Variants in TRPM3 observed in about 807,000 individuals in gnomAD.
TRPM3 encodes the protein transient receptor potential cation channel subfamily M member 3, also known as long transient receptor potential channel 3.
In TRPM3, 77 loss-of-function variants were observed where a neutral mutation model predicts 181.2. That is an observed-to-expected ratio of 0.42 (90% CI 0.35 to 0.51). The LOEUF (loss-of-function observed/expected upper bound fraction) is 0.51. Among genes scored for constraint, TRPM3 ranks in the 20% least tolerant of loss-of-function variants. The probability of loss-of-function intolerance (pLI) is 0.01; values close to 1 mark genes in which losing one functional copy is unlikely to be tolerated. For missense variants in TRPM3, 1,759 were observed against 2,196.7 expected, an observed-to-expected ratio of 0.80 and a Z score of 3.98; for synonymous variants, 745 against 796.4, an observed-to-expected ratio of 0.94 and a Z score of 1.09.
chr9:70,604,026 T>C (rs888976530), intron 19 of TRPM3, among the ~76,000 whole-genome samples: 4 of 152,238 alleles, frequency 2.6e-5, no homozygotes, highest in African/African-American at 9.6e-5. Context: ...ATTTCACCAC[T>C]TTCCTGTCCT....
chr9:70,863,062 A>G lies in TRPM3; in HGVS notation c.308T>C (p.Ile103Thr). The change falls in exon 3 of 26, where the codon ATC becomes ACC. Residue 103 changes from isoleucine (I) to threonine (T), a missense_variant. Physicochemically the swap from Ile to Thr is moderately conservative, Grantham distance 89 (BLOSUM62 -1). Transcript: ENST00000677713. Reference sequence around the variant, plus strand: ...ATTTTTCTCATTCTGAAGCACGGAGATACTGGGGGTGAGGCCAACATGCTG... The same window carrying G: ...ATTTTTCTCATTCTGAAGCACGGAGGTACTGGGGGTGAGGCCAACATGCTG... ...IGQHVGLTPS[I>T]SVLQNEKNES... The G allele has an allele frequency of 6.2e-7, 1 of 1,613,562 alleles. No homozygotes were observed. Among genetic ancestry groups the G allele is most frequent in the Non-Finnish European group, 8.5e-7 (1 of 1,179,696 alleles).
intron 1 of TRPM3, among the ~76,000 whole-genome samples, chr9:70,911,218 G>T (rs2096534235): frequency 6.6e-6 from 1 of 152,152 alleles, no homozygotes; most frequent in Non-Finnish European, 1.5e-5. Context: ...GTATGGTCCT[G>T]TGGGTCACAC....
At chr9:70,654,833 C>T (rs116109516) in intron 9 of TRPM3, among the ~76,000 whole-genome samples, 1 of 151,724 alleles carries the variant, frequency 6.6e-6, no homozygotes, top group African/African-American at 2.4e-5. Flanking sequence ...TAGGCACCTG[C>T]ACCACGCCTG....
intron 1 of TRPM3, among the ~76,000 whole-genome samples, chr9:71,166,881 A>C (rs2076566956): frequency 1.3e-5 from 2 of 152,224 alleles, no homozygotes; most frequent in Admixed American, 1.3e-4. Flanking sequence ...TTGAAATTTC[A>C]TACAAATAAC....
At chr9:71,334,876 C>T (rs150011319) in intron 1 of TRPM3, among the ~76,000 whole-genome samples, 107 of 152,216 alleles carry the variant, frequency 7.0e-4, no homozygotes, top group African/African-American at 2.5e-3. Context: ...TTCTTCTCTT[C>T]ATCTTTTTCT....
At chr9:71,019,215 C>G (rs2097819327) in intron 1 of TRPM3, among the ~76,000 whole-genome samples, 1 of 151,804 alleles carries the variant, frequency 6.6e-6, no homozygotes, top group Non-Finnish European at 1.5e-5. Flanking sequence ...GATAGAGATG[C>G]TTGTTATCAC....
chr9:70,609,401 C>A (rs1328580794), intron 19 of TRPM3, among the ~76,000 whole-genome samples: 2 of 152,096 alleles, frequency 1.3e-5, no homozygotes, highest in South Asian at 4.2e-4. Context: ...GAATTTTTAC[C>A]TCACTGAAAA....
chr9:71,358,091 A>T (rs893302332), intron 1 of TRPM3, among the ~76,000 whole-genome samples: 1 of 152,188 alleles, frequency 6.6e-6, no homozygotes, highest in Admixed American at 6.5e-5. Flanking sequence ...AAAAGAACCT[A>T]CATACTGACT....
intron 20 of TRPM3, among the ~76,000 whole-genome samples, chr9:70,602,494 G>A (rs952711546): frequency 7.2e-5 from 11 of 152,166 alleles, no homozygotes; most frequent in African/African-American, 2.7e-4. Context: ...TTGAACGGGA[G>A]CATTTCTTCC....
chr9:70,883,610 G>T (rs528578967), intron 1 of TRPM3, among the ~76,000 whole-genome samples: 2 of 152,052 alleles, frequency 1.3e-5, no homozygotes, highest in South Asian at 2.1e-4. Context: ...TCTCCTCCTC[G>T]AAGTGACTTG....
intron 9 of TRPM3, among the ~76,000 whole-genome samples, chr9:70,658,372 C>G (rs932226431): frequency 2.6e-5 from 4 of 152,072 alleles, no homozygotes; most frequent in African/African-American, 9.7e-5. Context: ...AATTAATCCT[C>G]TAAGATATTA....
rs544006907 is a variant in TRPM3 at position 71,238,627 on chromosome 9, T to C, written c.183+208026A>G. On this transcript the variant is annotated intron_variant, in intron 1 of 24. Transcript: ENST00000357533. ...TAAAATTTGATGTGATGCATCTTTA[T>C]CCTTCAAAGGCCATTTACTTGTTAA... Among the ~76,000 whole-genome samples the C allele has an allele frequency of 1.8e-3, 273 of 152,356 alleles. 1 individual carries two copies. Among genetic ancestry groups the C allele is most frequent in the Non-Finnish European group, 3.3e-3 (227 of 68,026 alleles).
chr9:70,535,197 G>T lies in TRPM3; in HGVS notation c.*756C>A. The T allele has an allele frequency of 1.8e-6, 1 of 554,988 alleles. No individual in the cohort carries two copies. The highest frequency in any genetic ancestry group is 3.1e-6 in the Non-Finnish European group (1 of 319,108). The allele number at this position is 554,988 out of a possible 1,614,324, so 34.4% of individuals were successfully genotyped here. On this transcript the variant is annotated 3_prime_UTR_variant, in exon 26 of 26. Transcript: ENST00000677713. Reference sequence around the variant, plus strand: ...GCCCACTGTATATAATAAATCACTTGACTTTTGTTTTTTTAACATCAACTC... The same window carrying T: ...GCCCACTGTATATAATAAATCACTTTACTTTTGTTTTTTTAACATCAACTC...
chr9:70,598,269 A>G (rs1225860996), intron 21 of TRPM3, 150 bp downstream of exon 21: 1 of 1,059,718 alleles, frequency 9.4e-7, no homozygotes, highest in Non-Finnish European at 1.4e-6. Context: ...CAAACCCCCA[A>G]ACATTCAAAA....
rs183691812 is a variant in TRPM3, at chr9:70,887,378, T to C, written c.178-22867A>G. Among the ~76,000 whole-genome samples the C allele has an allele frequency of 8.6e-4, 131 of 152,336 alleles. 1 individual carries two copies. Among genetic ancestry groups the C allele is most frequent in the African/African-American group, 2.7e-3 (114 of 41,584 alleles). On this transcript the variant is annotated intron_variant, in intron 1 of 25. Transcript: ENST00000677713. ...TCACTGACAAAATGATTCCTCACTA[T>C]GTCATTACTCATCTAAAGTGTTAAT...
At chr9:71,150,215 C>A (rs939724835) in intron 1 of TRPM3, among the ~76,000 whole-genome samples, 2 of 151,818 alleles carry the variant, frequency 1.3e-5, no homozygotes, top group African/African-American at 4.8e-5. Context: ...TACACACATG[C>A]ACATATACAC....
chr9:70,856,743 TATA>T (rs148196334), intron 3 of TRPM3, among the ~76,000 whole-genome samples: 155 of 152,266 alleles, frequency 1.0e-3, no homozygotes, highest in African/African-American at 3.7e-3. Context: ...ATATGAAGAT[TATA>T]ATAAGGGGCT....
chr9:71,436,555 G>A (rs923582389), intron 1 of TRPM3, among the ~76,000 whole-genome samples: 9 of 151,750 alleles, frequency 5.9e-5, no homozygotes, highest in African/African-American at 1.2e-4. Context: ...TGCCCACCTC[G>A]GCCTCCCAAA....
intron 1 of TRPM3, among the ~76,000 whole-genome samples, chr9:70,902,905 T>C (rs2096406066): frequency 6.6e-6 from 1 of 152,210 alleles, no homozygotes; most frequent in South Asian, 2.1e-4. Context: ...GCAGAGCAGA[T>C]GTAACCCTCG....
Sources: gnomAD v4.1 joint callset for allele counts (sites outside exome capture counted in the v4.1 genomes callset) on GRCh38, gnomAD v4.1.1 for gene constraint, MANE v1.5 for transcripts, NCBI Gene and HGNC (gene_info 2026-07-23, HGNC 2026-07-21) for gene names.